PUS10: variants seen among roughly 807,000 people sequenced by gnomAD.
PUS10 encodes pseudouridine synthase 10.
In PUS10, 59 loss-of-function variants were observed where a neutral mutation model predicts 75.0. The observed-to-expected ratio is 0.79, with a 90% CI of 0.64 to 0.98. The LOEUF (loss-of-function observed/expected upper bound fraction) is 0.98. Among genes scored for constraint, PUS10 ranks in the 50% least tolerant of loss-of-function variants. The pLI is 0.00. For synonymous variants in PUS10, 219 were observed against 211.6 expected (o/e 1.03, Z -0.30); for missense variants, 650 against 614.4 (o/e 1.06, Z -0.61).
intron 1 of PUS10, among the ~76,000 whole-genome samples, chr2:61,015,443 T>G (rs1182817879): frequency 1.3e-5 from 2 of 152,158 alleles, no homozygotes; most frequent in Non-Finnish European, 1.5e-5. Context: ...GAGGTTGCAG[T>G]AAGCCCAGGA....
At chr2:60,968,822 A>T (rs1676496695) in intron 5 of PUS10, among the ~76,000 whole-genome samples, 1 of 152,184 alleles carries the variant, frequency 6.6e-6, no homozygotes, top group African/African-American at 2.4e-5. Flanking sequence ...ACATCTGACA[A>T]ATAATCAAAT....
At position 60,995,728 on chromosome 2, in the gene PUS10, AT is replaced by A. The variant is rs369477719; in HGVS notation, c.468+10828del. Among the ~76,000 whole-genome samples, 160 of 151,736 alleles carry A rather than the reference AT, an allele frequency of 1.1e-3. 2 individuals are homozygous for A. The East Asian group carries it at 0.024, about 23-fold the overall frequency. Reference sequence around the variant, plus strand: ...AGAAAAAGGATGTGTTTCATCTTGTATTTTTTTTTATTCTGTTACATTACCA... The same window carrying A: ...AGAAAAAGGATGTGTTTCATCTTGTATTTTTTTTATTCTGTTACATTACCA... On this transcript the variant is annotated intron_variant, in intron 4 of 17. Transcript: ENST00000316752.
At position 60,985,897 on chromosome 2, in the gene PUS10, G is replaced by A. The variant is rs555543516; in HGVS notation, c.469-14340C>T. Among the ~76,000 whole-genome samples, 5 of 131,758 alleles carry A rather than the reference G, an allele frequency of 3.8e-5. 1 individual carries two copies. In the South Asian group the frequency reaches 9.8e-4, roughly 26 times the overall value. 86.4% of individuals were successfully genotyped at this position (131,758 alleles called of 152,430 possible). On this transcript the variant is annotated intron_variant, in intron 4 of 17. Coordinates refer to ENST00000316752, the MANE Select transcript of PUS10 (RefSeq NM_144709.4). ...TCTGCAATCCTTCAGAAATATGCTC[G>A]TAAGATTAGAACACTTGTTATAGGA...
chr2:60,984,621 C>G (rs538956392), intron 4 of PUS10, among the ~76,000 whole-genome samples: 1 of 152,114 alleles, frequency 6.6e-6, no homozygotes, highest in Non-Finnish European at 1.5e-5. Context: ...ATTGCAAATT[C>G]CATTTATAAT....
chr2:61,001,662 T>G (rs937932253), intron 4 of PUS10, among the ~76,000 whole-genome samples: 3 of 152,222 alleles, frequency 2.0e-5, no homozygotes, highest in Non-Finnish European at 4.4e-5. Context: ...AAAATTTAAC[T>G]GCTGAAGTCG....
At chr2:60,961,998 G>T (rs899569910) in intron 9 of PUS10, among the ~76,000 whole-genome samples, 2 of 152,150 alleles carry the variant, frequency 1.3e-5, no homozygotes, top group Admixed American at 6.5e-5. Flanking sequence ...AAAACTTACA[G>T]TAATATTTTA....
At position 60,961,620 on chromosome 2, in the gene PUS10, C is replaced by T. The variant is rs1385869190; in HGVS notation, c.789-72G>A. ...GAATCACAAAACTTAGATGAATCAGCATTGTCTGAGACATACACAGAGCCC... is the reference window on the plus strand; with the variant it reads ...GAATCACAAAACTTAGATGAATCAGTATTGTCTGAGACATACACAGAGCCC... On this transcript the variant is annotated intron_variant, in intron 9 of 17. Coordinates refer to ENST00000316752, the MANE Select transcript of PUS10 (RefSeq NM_144709.4). 6 of 1,319,284 alleles carry T rather than the reference C, an allele frequency of 4.5e-6. No individual in the cohort carries two copies. In the African/African-American group the frequency reaches 8.7e-5, roughly 19 times the overall value. 81.7% of individuals were successfully genotyped at this position (1,319,284 alleles called of 1,614,324 possible). A position where few individuals can be genotyped will look rare whatever the true frequency, so the allele number is the denominator to read the frequency against.
intron 4 of PUS10, among the ~76,000 whole-genome samples, chr2:61,002,762 C>G (rs1287936867): frequency 6.6e-6 from 1 of 152,224 alleles, no homozygotes; most frequent in Non-Finnish European, 1.5e-5. Flanking sequence ...CTCACCATGA[C>G]AGTCGTAAGG....
intron 15 of PUS10, among the ~76,000 whole-genome samples, chr2:60,950,359 T>C (rs1573385747): frequency 6.6e-6 from 1 of 152,166 alleles, no homozygotes; most frequent in East Asian, 1.9e-4. Flanking sequence ...TTTCCCAGCA[T>C]TTTTAGGCAC....
At chr2:60,944,112 T>G in intron 17 of PUS10, 1 of 486,316 alleles carries the variant, frequency 2.1e-6, no homozygotes, top group Non-Finnish European at 2.6e-6. Flanking sequence ...TGGGTGACAG[T>G]GCAAGACCCT....
At position 60,989,737 on chromosome 2, in the gene PUS10, G is replaced by C. The variant is rs577351848; in HGVS notation, c.468+16820C>G. Among the ~76,000 whole-genome samples the C allele has an allele frequency of 9.2e-5, 14 of 151,934 alleles. No individual in the cohort carries two copies. In the East Asian group the frequency reaches 2.7e-3, roughly 29 times the overall value. ...GAGCTCAAGCTATTCTCCTGCCTCA[G>C]CCTCCCAAGTAGCTGGGACTACAGG... On this transcript the variant is annotated intron_variant, in intron 4 of 17. Coordinates refer to ENST00000316752, the MANE Select transcript of PUS10 (RefSeq NM_144709.4).
intron 5 of PUS10, among the ~76,000 whole-genome samples, chr2:60,969,371 TA>T (rs1676524622): frequency 6.6e-6 from 1 of 152,242 alleles, no homozygotes; most frequent in African/African-American, 2.4e-5. Context: ...ATAAGTTTCC[TA>T]ATACAATTTG....
chr2:60,959,804 G>A (rs1239578251), intron 11 of PUS10, among the ~76,000 whole-genome samples: 1 of 152,168 alleles, frequency 6.6e-6, no homozygotes, highest in Admixed American at 6.5e-5. Context: ...CTATGGCCAA[G>A]AGGCCCAGAC....
chr2:60,948,042 C>A lies in PUS10; in HGVS notation c.1451+1G>T. 1 of 1,613,964 alleles carries A rather than the reference C, an allele frequency of 6.2e-7. No individual in the cohort carries two copies. Among genetic ancestry groups the A allele is most frequent in the Non-Finnish European group, 8.5e-7 (1 of 1,179,928 alleles). On this transcript the variant is annotated splice_donor_variant, in intron 16 of 17. Coordinates refer to ENST00000316752, the MANE Select transcript of PUS10 (RefSeq NM_144709.4). LOFTEE classifies it high-confidence loss of function. ...CGGCAGTGCAGCAGGTGGAAGGATA[C>A]GTGCCAGCCTGAGTTTTCAAGTGGA...
chr2:60,992,511 T>G (rs1472769744), intron 4 of PUS10, among the ~76,000 whole-genome samples: 1 of 152,158 alleles, frequency 6.6e-6, no homozygotes, highest in East Asian at 1.9e-4. Flanking sequence ...CTAATATGAA[T>G]TTCTAGTGAT....
At chr2:60,997,902 G>A (rs1022573798) in intron 4 of PUS10, among the ~76,000 whole-genome samples, 1 of 152,136 alleles carries the variant, frequency 6.6e-6, no homozygotes, top group African/African-American at 2.4e-5. Flanking sequence ...GTCTTACATG[G>A]TGGGTGAGAG....
rs1680077253 is a variant in PUS10, at chr2:61,017,457, G to A, written c.-16+551C>T. ...GGTCCACTCCCAGAAAAGCCTCGGT[G>A]GGACTCCGACGTCTAGGGAGTTGTA... On this transcript the variant is annotated intron_variant, in intron 1 of 17. Coordinates refer to ENST00000316752, the MANE Select transcript of PUS10 (RefSeq NM_144709.4). The A allele has an allele frequency of 1.8e-5, 5 of 277,732 alleles. No homozygotes were observed. In the Admixed American group the frequency reaches 2.6e-4, roughly 14 times the overall value. The allele number at this position is 277,732 out of a possible 1,614,324, so 17.2% of individuals were successfully genotyped here.
At chr2:60,972,189 C>T (rs1261861799) in intron 4 of PUS10, among the ~76,000 whole-genome samples, 1 of 139,092 alleles carries the variant, frequency 7.2e-6, no homozygotes, top group Admixed American at 7.0e-5. Flanking sequence ...CTGGGCCAGG[C>T]GCGCTGGCTC....
intron 4 of PUS10, among the ~76,000 whole-genome samples, chr2:61,004,650 AAG>A: frequency 2.0e-5 from 3 of 151,110 alleles, no homozygotes; most frequent in Non-Finnish European, 4.4e-5. Context: ...AAAAAAAAAA[AAG>A]AGAAAGTAAC....
Sources: gnomAD v4.1 joint callset for allele counts (sites outside exome capture counted in the v4.1 genomes callset) on GRCh38, gnomAD v4.1.1 for gene constraint, MANE v1.5 for transcripts, NCBI Gene and HGNC (gene_info 2026-07-23, HGNC 2026-07-21) for gene names.